The following ASTN2 variants were observed in gnomAD, a reference collection of about 807,000 sequenced individuals.
The protein encoded by ASTN2 is astrotactin 2, also known as astrotactin-2.
Under a neutral mutation model 139.8 loss-of-function variants are expected in ASTN2, and 54 were observed. The ratio of observed to expected loss-of-function variants is 0.39; its 90% CI spans 0.31 to 0.48. The LOEUF (loss-of-function observed/expected upper bound fraction) is 0.48. Ranked by LOEUF, ASTN2 falls within the 20% of genes least tolerant of loss-of-function variation. The probability of loss-of-function intolerance (pLI) is 0.95; values close to 1 mark genes in which losing one functional copy is unlikely to be tolerated. For missense variants in ASTN2, 1,565 were observed against 1,725.1 expected, an observed-to-expected ratio of 0.91 and a Z score of 1.64; for synonymous variants, 756 against 719.5, an observed-to-expected ratio of 1.05 and a Z score of -0.81.
At chr9:116,566,346 C>T (rs1490660489) in intron 19 of ASTN2, among the ~76,000 whole-genome samples, 1 of 152,168 alleles carries the variant, frequency 6.6e-6, no homozygotes, top group Non-Finnish European at 1.5e-5. Context: ...TCAGCTCAAT[C>T]CTTTGTTTTT....
At chr9:116,445,899 C>G (rs903718153) in intron 20 of ASTN2, among the ~76,000 whole-genome samples, 8 of 152,094 alleles carry the variant, frequency 5.3e-5, no homozygotes, top group Admixed American at 5.2e-4. Flanking sequence ...CTCAGGCAAC[C>G]CTGCTGGGGG....
At chr9:117,342,402 A>T (rs1829090023) in intron 1 of ASTN2, among the ~76,000 whole-genome samples, 1 of 152,194 alleles carries the variant, frequency 6.6e-6, no homozygotes, top group Non-Finnish European at 1.5e-5. Flanking sequence ...GGCTGGTGAA[A>T]AGTCTGTTAG....
chr9:117,411,933 T>C (rs1481624943), intron 1 of ASTN2, among the ~76,000 whole-genome samples: 1 of 151,924 alleles, frequency 6.6e-6, no homozygotes, highest in African/African-American at 2.4e-5. Context: ...CTTGGGACAC[T>C]AGAAAGAGAT....
intron 19 of ASTN2, among the ~76,000 whole-genome samples, chr9:116,528,753 T>C (rs1302189654): frequency 6.6e-6 from 1 of 152,152 alleles, no homozygotes; most frequent in African/African-American, 2.4e-5. Flanking sequence ...GCACCCTGCA[T>C]TCCAGACGTT....
At chr9:116,893,133 T>C (rs1225166194) in intron 10 of ASTN2, among the ~76,000 whole-genome samples, 1 of 151,302 alleles carries the variant, frequency 6.6e-6, no homozygotes, top group Non-Finnish European at 1.5e-5. Flanking sequence ...CTCATTGAAG[T>C]GTTGCCAAAA....
intron 1 of ASTN2, among the ~76,000 whole-genome samples, chr9:117,318,397 G>A (rs1447770114): frequency 1.3e-5 from 2 of 152,144 alleles, no homozygotes; most frequent in African/African-American, 2.4e-5. Context: ...CATGACCACA[G>A]CGATCTTAGA....
chr9:116,985,100 T>C (rs1193264204), intron 7 of ASTN2, among the ~76,000 whole-genome samples: 1 of 152,206 alleles, frequency 6.6e-6, no homozygotes, highest in Non-Finnish European at 1.5e-5. Flanking sequence ...CCTCCCTCTC[T>C]GGGGCTCAGT....
At chr9:116,514,848 C>T (rs772369607) in intron 19 of ASTN2, among the ~76,000 whole-genome samples, 6 of 152,102 alleles carry the variant, frequency 3.9e-5, no homozygotes, top group African/African-American at 7.2e-5. Context: ...ATTGGAAAAG[C>T]GCAGTATTAG....
intron 5 of ASTN2, among the ~76,000 whole-genome samples, chr9:117,082,812 CA>C (rs1247521982): frequency 6.6e-6 from 1 of 152,138 alleles, no homozygotes; most frequent in African/African-American, 2.4e-5. Flanking sequence ...AAAAACAAAA[CA>C]AAGCAAACAA....
intron 5 of ASTN2, among the ~76,000 whole-genome samples, chr9:117,045,370 C>T (rs1838703664): frequency 6.6e-6 from 1 of 151,508 alleles, no homozygotes; most frequent in African/African-American, 2.4e-5. Context: ...GATTCACATC[C>T]CCATTTGCAG....
At chr9:116,713,265 G>A (rs963554092) in intron 16 of ASTN2, among the ~76,000 whole-genome samples, 1 of 152,084 alleles carries the variant, frequency 6.6e-6, no homozygotes, top group Non-Finnish European at 1.5e-5. Flanking sequence ...TCTCCAAAAG[G>A]AGCCTTCTTT....
intron 19 of ASTN2, among the ~76,000 whole-genome samples, chr9:116,531,161 C>T (rs1044979478): frequency 2.0e-5 from 3 of 152,126 alleles, no homozygotes; most frequent in Admixed American, 6.6e-5. Context: ...CACTCTCTGT[C>T]GATGGAAACA....
intron 22 of ASTN2, among the ~76,000 whole-genome samples, chr9:116,428,393 G>A (rs937614329): frequency 4.6e-5 from 7 of 152,022 alleles, no homozygotes; most frequent in African/African-American, 1.4e-4. Context: ...GCGTGGTGGT[G>A]GGTACCTGTA....
At chr9:116,568,596 T>A (rs1174672627) in intron 19 of ASTN2, 1 of 152,376 alleles carries the variant, frequency 6.6e-6, no homozygotes, top group African/African-American at 2.4e-5. Context: ...CCCCCAGCCT[T>A]ACCAGCCAGC....
intron 19 of ASTN2, among the ~76,000 whole-genome samples, chr9:116,512,299 T>A (rs1202971954): frequency 6.6e-6 from 1 of 152,194 alleles, no homozygotes; most frequent in Non-Finnish European, 1.5e-5. Context: ...AGTTTCCAGG[T>A]AGTTGAGTGG....
chr9:117,136,784 A>T (rs1829962328), intron 4 of ASTN2, among the ~76,000 whole-genome samples: 1 of 152,200 alleles, frequency 6.6e-6, no homozygotes, highest in African/African-American at 2.4e-5. Flanking sequence ...CAGTGATTGT[A>T]CTAGCTATTC....
chr9:116,640,878 T>C (rs1857294249), intron 17 of ASTN2, among the ~76,000 whole-genome samples: 1 of 152,144 alleles, frequency 6.6e-6, no homozygotes, highest in Non-Finnish European at 1.5e-5. Context: ...CAGGCAAGAT[T>C]TGGATCAGTT....
intron 16 of ASTN2, among the ~76,000 whole-genome samples, chr9:116,671,287 C>A (rs1859180274): frequency 6.6e-6 from 1 of 152,074 alleles, no homozygotes; most frequent in South Asian, 2.1e-4. Context: ...GTTGATAAAA[C>A]TGACTCTTTT....
intron 16 of ASTN2, among the ~76,000 whole-genome samples, chr9:116,652,620 A>G (rs1451951545): frequency 6.6e-6 from 1 of 152,200 alleles, no homozygotes; most frequent in East Asian, 1.9e-4. Context: ...CAACCTTAGG[A>G]AAATGTCAGT....
Sources: gnomAD v4.1 joint callset for allele counts (sites outside exome capture counted in the v4.1 genomes callset) on GRCh38, gnomAD v4.1.1 for gene constraint, MANE v1.5 for transcripts, NCBI Gene and HGNC (gene_info 2026-07-23, HGNC 2026-07-21) for gene names.